The following STEAP4 variants were observed in gnomAD, a reference collection of about 807,000 sequenced individuals.
The protein encoded by STEAP4 is metalloreductase STEAP4.
In STEAP4, 36 loss-of-function variants were observed where a neutral mutation model predicts 43.6. That is an observed-to-expected ratio of 0.83 (90% CI 0.63 to 1.09). The LOEUF (loss-of-function observed/expected upper bound fraction) is 1.09. Among genes scored for constraint, STEAP4 ranks in the 50% least tolerant of loss-of-function variants. The pLI, the probability that STEAP4 is intolerant of heterozygous loss-of-function variation, is 0.00. For missense variants in STEAP4, 495 were observed against 546.5 expected (o/e 0.91, Z 0.94); for synonymous variants, 191 against 196.7 (o/e 0.97, Z 0.24).
Position 88,279,153 on chromosome 7 carries a change from G to A in STEAP4, c.*245C>T. 2.0e-6 allele frequency: 1 copy of A among 492,810 alleles called. No individual in the cohort carries two copies. The highest frequency in any genetic ancestry group is 2.2e-5 in the South Asian group (1 of 45,672). 30.5% of individuals were successfully genotyped at this position (492,810 alleles called of 1,614,324 possible). A position where few individuals can be genotyped will look rare whatever the true frequency, so the allele number is the denominator to read the frequency against. ...GGCTAGTCTCAATCTCAGCTCCATGGCCTCTGGGAAAATAAGAGTCAGGGA... is the reference window on the plus strand; with the variant it reads ...GGCTAGTCTCAATCTCAGCTCCATGACCTCTGGGAAAATAAGAGTCAGGGA... On this transcript the variant is annotated 3_prime_UTR_variant, in exon 5 of 5. Transcript: ENST00000380079.
chr7:88,297,726 T>G (rs375178505), intron 1 of STEAP4, among the ~76,000 whole-genome samples: 1 of 152,154 alleles, frequency 6.6e-6, no homozygotes, highest in Middle Eastern at 3.4e-3. Flanking sequence ...GGGGGGAAAG[T>G]GAGTGCATAT....
rs563916708 is a variant in STEAP4, at chr7:88,271,259, A to G, written c.*8139T>C. 1 of 152,286 alleles carries G rather than the reference A, an allele frequency of 6.6e-6. No individual in the cohort carries two copies. The highest frequency in any genetic ancestry group is 1.5e-5 in the Non-Finnish European group (1 of 68,004). The allele number at this position is 152,286 out of a possible 1,614,324, so 9.4% of individuals were successfully genotyped here. A position where few individuals can be genotyped will look rare whatever the true frequency, so the allele number is the denominator to read the frequency against. ...GGTAACCTACTCATGTAATTTAAAA[A>G]CCAAAATGATATGAAAAGGTCTACA... On this transcript the variant is annotated 3_prime_UTR_variant, in exon 5 of 5. Coordinates refer to ENST00000380079, the MANE Select transcript of STEAP4 (RefSeq NM_024636.4).
intron 1 of STEAP4, among the ~76,000 whole-genome samples, chr7:88,302,782 C>T (rs1273336753): frequency 1.3e-5 from 2 of 151,752 alleles, no homozygotes; most frequent in Admixed American, 1.3e-4. Flanking sequence ...GGCGAAACCC[C>T]ATCTCTACTA....
At chr7:88,305,161 A>G (rs549293970) in intron 1 of STEAP4, among the ~76,000 whole-genome samples, 13 of 152,298 alleles carry the variant, frequency 8.5e-5, no homozygotes, top group African/African-American at 2.9e-4. Context: ...GTGAACTTCA[A>G]CAATGTGAAC....
intron 1 of STEAP4, 66 bp from the exon 2 acceptor site, chr7:88,284,337 G>T: frequency 1.8e-6 from 2 of 1,140,890 alleles, no homozygotes; most frequent in Non-Finnish European, 2.4e-6. Flanking sequence ...ATTAAAGAGA[G>T]CTATATTCAA....
chr7:88,289,839 G>A (rs147260821), intron 1 of STEAP4, among the ~76,000 whole-genome samples: 2 of 152,252 alleles, frequency 1.3e-5, no homozygotes, highest in East Asian at 3.9e-4. Flanking sequence ...TTTCTTACTA[G>A]CATCTGCACA....
At chr7:88,303,287 G>A (rs1191210972) in intron 1 of STEAP4, among the ~76,000 whole-genome samples, 1 of 151,178 alleles carries the variant, frequency 6.6e-6, no homozygotes. Context: ...CCTGAGGACC[G>A]GAGTTCCAGA....
chr7:88,306,026 G>A (rs1853123656), intron 1 of STEAP4, among the ~76,000 whole-genome samples: 1 of 152,088 alleles, frequency 6.6e-6, no homozygotes, highest in Non-Finnish European at 1.5e-5. Context: ...CTGCCACCAC[G>A]CCTGGCTAAT....
chr7:88,283,646 T>C, intron 2 of STEAP4, 168 bp downstream of exon 2: 1 of 745,272 alleles, frequency 1.3e-6, no homozygotes, highest in Non-Finnish European at 2.1e-6. Flanking sequence ...ATATAACAGT[T>C]GACCACCTTA....
At chr7:88,305,574 G>A (rs1399552305) in intron 1 of STEAP4, among the ~76,000 whole-genome samples, 1 of 152,204 alleles carries the variant, frequency 6.6e-6, no homozygotes, top group Non-Finnish European at 1.5e-5. Context: ...TTTGAAAGCT[G>A]AGAGTATTCT....
intron 2 of STEAP4, 182 bp from the exon 3 acceptor site, chr7:88,283,350 T>C: frequency 1.5e-6 from 1 of 651,888 alleles, no homozygotes; most frequent in Non-Finnish European, 2.4e-6. Context: ...GTGTCTTAGA[T>C]AGGTAAGTAC....
Position 88,277,500 on chromosome 7 carries a change from A to G in STEAP4, c.*1898T>C, listed in dbSNP as rs534853647. 1 of 152,352 alleles carries G rather than the reference A, an allele frequency of 6.6e-6. No individual in the cohort carries two copies. The highest frequency in any genetic ancestry group is 1.9e-4 in the East Asian group (1 of 5,184). The allele number at this position is 152,352 out of a possible 1,614,324, so 9.4% of individuals were successfully genotyped here. ...ATTTATTTTAGTAAAAAATGGATAT[A>G]GTCTACATGTTTAATAAGGAAAGAG... is the stretch of plus-strand genomic sequence containing the variant. On this transcript the variant is annotated 3_prime_UTR_variant, in exon 5 of 5. Coordinates refer to ENST00000380079, the MANE Select transcript of STEAP4 (RefSeq NM_024636.4).
At chr7:88,302,137 T>C (rs1397876499) in intron 1 of STEAP4, among the ~76,000 whole-genome samples, 1 of 152,244 alleles carries the variant, frequency 6.6e-6, no homozygotes, top group Non-Finnish European at 1.5e-5. Flanking sequence ...CCCTGTTAAC[T>C]AATATTGTGC....
Position 88,273,478 on chromosome 7 carries a change from C to T in STEAP4, c.*5920G>A, listed in dbSNP as rs2115924979. ...TGAGAAAAAAATCTCATTTTTACAG[C>T]TATAGGTAATGGAACTAAGCCTGGT... On this transcript the variant is annotated 3_prime_UTR_variant, in exon 5 of 5. Coordinates refer to ENST00000380079, the MANE Select transcript of STEAP4 (RefSeq NM_024636.4). 1 of 151,744 alleles carries T rather than the reference C, an allele frequency of 6.6e-6. No individual in the cohort carries two copies. Among genetic ancestry groups the T allele is most frequent in the South Asian group, 2.1e-4 (1 of 4,792 alleles). 9.4% of individuals were successfully genotyped at this position (151,744 alleles called of 1,614,324 possible). A position where few individuals can be genotyped will look rare whatever the true frequency, so the allele number is the denominator to read the frequency against.
intron 1 of STEAP4, among the ~76,000 whole-genome samples, chr7:88,286,349 C>T (rs1269114606): frequency 3.3e-5 from 5 of 152,124 alleles, no homozygotes; most frequent in Admixed American, 1.3e-4. Context: ...GAAAGTTAAA[C>T]ACCATTTTAT....
At chr7:88,304,849 A>G (rs926710362) in intron 1 of STEAP4, among the ~76,000 whole-genome samples, 1 of 152,164 alleles carries the variant, frequency 6.6e-6, no homozygotes, top group African/African-American at 2.4e-5. Flanking sequence ...AGGAGAATTT[A>G]TATCCTTTTA....
intron 1 of STEAP4, among the ~76,000 whole-genome samples, chr7:88,284,603 C>CA (rs919806334): frequency 6.6e-5 from 10 of 151,414 alleles, no homozygotes; most frequent in East Asian, 1.9e-4. Context: ...TTAGTGATAC[C>CA]AAAAAAAACT....
At chr7:88,303,286 C>T (rs187714509) in intron 1 of STEAP4, among the ~76,000 whole-genome samples, 49 of 151,064 alleles carry the variant, frequency 3.2e-4, no homozygotes, top group African/African-American at 1.0e-3. Context: ...ACCTGAGGAC[C>T]GGAGTTCCAG....
At chr7:88,297,565 G>A (rs1852943605) in intron 1 of STEAP4, among the ~76,000 whole-genome samples, 1 of 152,086 alleles carries the variant, frequency 6.6e-6, no homozygotes, top group Non-Finnish European at 1.5e-5. Flanking sequence ...TATATCCCCT[G>A]CAATATTTGG....
Sources: allele counts gnomAD v4.1 joint callset (sites outside exome capture counted in the v4.1 genomes callset), GRCh38; gene constraint gnomAD v4.1.1; transcripts MANE v1.5; gene names NCBI Gene and HGNC (gene_info 2026-07-23, HGNC 2026-07-21).